The following UGT2B11 variants were observed in gnomAD, a reference collection of about 807,000 sequenced individuals.
UGT2B11 encodes UDP-glucuronosyltransferase 2B11.
A neutral mutation model predicts 51.7 loss-of-function variants in UGT2B11; 49 were observed. The ratio of observed to expected loss-of-function variants is 0.95; its 90% CI spans 0.75 to 1.20. UGT2B11 has a LOEUF of 1.20. UGT2B11 is among the 50% of genes most tolerant of loss of function. UGT2B11 has a pLI of 0.00. For synonymous variants in UGT2B11, 273 were observed against 209.0 expected (o/e 1.31, Z -2.64); for missense variants, 810 against 622.1 (o/e 1.30, Z -3.21).
In UGT2B11 at chr4:69,200,477, TTC is replaced by T; in HGVS notation, c.1551_1552del (p.Trp517Ter). On this transcript the variant is annotated stop_gained and frameshift_variant, in exon 6 of 6. Transcript: ENST00000446444. LOFTEE classifies it high-confidence loss of function. ...TCCCTTCTTCCCTTTTCTAGCAAAC[TTC>T]CAGAAACAAAACAGACAAAACTTTG... 1.9e-6 allele frequency: 3 copies of T among 1,611,900 alleles called. No homozygotes were observed. The highest frequency in any genetic ancestry group is 1.7e-4 in the Middle Eastern group (1 of 6,040).
Position 69,213,985 on chromosome 4 carries a change from A to T in UGT2B11, c.721+17T>A, listed in dbSNP as rs538340478. 2 of 1,543,962 alleles carry T rather than the reference A, an allele frequency of 1.3e-6. No individual in the cohort carries two copies. The highest frequency in any genetic ancestry group is 4.1e-5 in the Admixed American group (2 of 48,652). On this transcript the variant is annotated intron_variant, in intron 1 of 5. Coordinates refer to ENST00000446444, the MANE Select transcript of UGT2B11 (RefSeq NM_001073.3). ...AATAAGTTAGATCTTCACGTTACCG[A>T]TTAAACAAATTCTTACCTAAAACTT...
chr4:69,218,316 G>T (rs1268722551), upstream of UGT2B11, among the ~76,000 whole-genome samples: 11 of 151,966 alleles, frequency 7.2e-5, no homozygotes, highest in East Asian at 3.9e-4. Flanking sequence ...CCAGTTGTAA[G>T]GAGAATCCTA....
At position 69,214,285 on chromosome 4, in the gene UGT2B11, G is replaced by A; in HGVS notation, c.438C>T (p.Asp146=). The A allele has an allele frequency of 6.2e-7, 1 of 1,613,236 alleles. No homozygotes were observed. The highest frequency in any genetic ancestry group is 8.5e-7 in the Non-Finnish European group (1 of 1,179,502). ...VMKKLQESRF[D]IVFADAVFPC... is the part of the protein sequence containing the mutation. ...GAAAAACAGCATCTGCAAAAACGAT[G>A]TCAAATCTTGACTCTTGTAGTTTTT... The change falls in exon 1 of 6, where the codon GAC becomes GAT. Residue 146 remains aspartate, a synonymous_variant. Coordinates refer to ENST00000446444, the MANE Select transcript of UGT2B11 (RefSeq NM_001073.3).
chr4:69,203,668 A>G (rs1721744665), intron 5 of UGT2B11, among the ~76,000 whole-genome samples: 1 of 151,798 alleles, frequency 6.6e-6, no homozygotes, highest in Non-Finnish European at 1.5e-5. Context: ...ATGAAGTATT[A>G]TAACACACAA....
the UGT2B11 span, among the ~76,000 whole-genome samples, chr4:69,222,582 C>T: frequency 2.6e-5 from 4 of 152,184 alleles, no homozygotes; most frequent in East Asian, 5.8e-4. Context: ...GGCTAAAGTA[C>T]CATAGATCCC....
In UGT2B11 at chr4:69,200,604, G is replaced by A. The variant is rs150196832; in HGVS notation, c.1426C>T (p.Leu476Phe). 1,349 of 1,612,434 alleles carry A rather than the reference G, an allele frequency of 8.4e-4. 14 individuals are homozygous for A. The African/African-American group carries it at 0.016, about 19-fold the overall frequency. ...GTGAGGTCATGGGCTGCAACTCGAA[G>A]GTGTTTGGCTCCTTTGTGGGGCATG... ...FVMPHKGAKH[L>F]RVAAHDLTWF... Residue 476 changes from leucine to phenylalanine, a missense_variant, in exon 6 of 6, where the codon CTT (leucine) becomes TTT (phenylalanine). Coordinates refer to ENST00000446444, the MANE Select transcript of UGT2B11 (RefSeq NM_001073.3).
chr4:69,221,324 T>C, the UGT2B11 span, among the ~76,000 whole-genome samples: 1 of 152,178 alleles, frequency 6.6e-6, no homozygotes, highest in Non-Finnish European at 1.5e-5. Context: ...CTTGAGCTTT[T>C]AAATTTCTAA....
rs767681466 is a variant in UGT2B11, at chr4:69,214,735, C to A, written c.-13G>T. On this transcript the variant is annotated 5_prime_UTR_variant, in exon 1 of 6. Coordinates refer to ENST00000446444, the MANE Select transcript of UGT2B11 (RefSeq NM_001073.3). ...ATTTCAGAGTCATCCTGGTGCAATG[C>A]GATCATTCTTTTCCAGTCACTGTTT... is the stretch of plus-strand genomic sequence containing the variant. 3 of 1,607,070 alleles carry A rather than the reference C, an allele frequency of 1.9e-6. No homozygotes were observed. Among genetic ancestry groups the A allele is most frequent in the South Asian group, 1.1e-5 (1 of 90,404 alleles).
chr4:69,206,914 T>A (rs949571009), intron 3 of UGT2B11, among the ~76,000 whole-genome samples: 1 of 151,570 alleles, frequency 6.6e-6, no homozygotes, highest in African/African-American at 2.4e-5. Flanking sequence ...AGCAAGTCTA[T>A]AAAATAAGCT....
chr4:69,214,676 C>T lies in UGT2B11; in HGVS notation c.47G>A (p.Cys16Tyr), dbSNP rs377363597. 5.0e-6 allele frequency: 8 copies of T among 1,612,812 alleles called. No homozygotes were observed. The highest frequency in any genetic ancestry group is 6.8e-6 in the Non-Finnish European group (8 of 1,179,220). ...TCCACAACTCCCAGAGCTAAAGTAACAACTGAGATGTATCAGCAGAAGAAC... is the reference window on the plus strand; with the variant it reads ...TCCACAACTCCCAGAGCTAAAGTAATAACTGAGATGTATCAGCAGAAGAAC... ...TSVLLLIHLS[C>Y]YFSSGSCGKV... The change falls in exon 1 of 6, where the codon TGT becomes TAT. Residue 16 changes from cysteine to tyrosine, a missense_variant. Coordinates refer to ENST00000446444, the MANE Select transcript of UGT2B11 (RefSeq NM_001073.3).
At chr4:69,208,308 CT>C (rs1560538527) in intron 3 of UGT2B11, 42 bp downstream of exon 3, 1 of 1,605,258 alleles carries the variant, frequency 6.2e-7, no homozygotes, top group South Asian at 1.1e-5. Flanking sequence ...CATTAACAGC[CT>C]CTTTCAGCAG....
intron 2 of UGT2B11, among the ~76,000 whole-genome samples, chr4:69,212,207 C>T (rs754554704): frequency 2.0e-5 from 3 of 151,512 alleles, no homozygotes; most frequent in Non-Finnish European, 3.0e-5. Flanking sequence ...TATGTGGGGA[C>T]GGAAACTGTG....
upstream of UGT2B11, among the ~76,000 whole-genome samples, chr4:69,217,910 G>C (rs972960270): frequency 6.6e-6 from 1 of 152,104 alleles, no homozygotes; most frequent in Non-Finnish European, 1.5e-5. Context: ...TCTTAATGGG[G>C]AAAAGAGATG....
upstream of UGT2B11, among the ~76,000 whole-genome samples, chr4:69,218,419 T>C (rs558635381): frequency 2.0e-4 from 31 of 152,238 alleles, no homozygotes; most frequent in South Asian, 6.0e-3. Flanking sequence ...ATGGTAATCT[T>C]TTGAAAGGGA....
the UGT2B11 span, among the ~76,000 whole-genome samples, chr4:69,221,755 A>G: frequency 0.014 from 1,869 of 132,630 alleles, 34 homozygotes; most frequent in African/African-American, 0.044. Context: ...AGAAGGCCAC[A>G]CCAGTGTCCA....
At chr4:69,217,420 C>A (rs1381285769), upstream of UGT2B11, among the ~76,000 whole-genome samples, 1 of 152,040 alleles carries the variant, frequency 6.6e-6, no homozygotes, top group African/African-American at 2.4e-5. Flanking sequence ...TGCAGAGTGG[C>A]AATATTGTTC....
At chr4:69,209,997 T>C (rs1373782354) in intron 2 of UGT2B11, among the ~76,000 whole-genome samples, 1 of 151,638 alleles carries the variant, frequency 6.6e-6, no homozygotes, top group Non-Finnish European at 1.5e-5. Flanking sequence ...AATATGTATT[T>C]TTTATTATGG....
upstream of UGT2B11, among the ~76,000 whole-genome samples, chr4:69,218,146 G>T (rs549959287): frequency 1.3e-5 from 2 of 151,974 alleles, no homozygotes; most frequent in Non-Finnish European, 2.9e-5. Context: ...TTTTTCACAG[G>T]TGTTATTTTC....
At chr4:69,220,168 G>A in the UGT2B11 span, among the ~76,000 whole-genome samples, 2 of 152,116 alleles carry the variant, frequency 1.3e-5, no homozygotes, top group Admixed American at 6.6e-5. Flanking sequence ...AAATCCAGGG[G>A]ACAGTCATTG....
Sources: allele counts gnomAD v4.1 joint callset (sites outside exome capture counted in the v4.1 genomes callset), GRCh38; gene constraint gnomAD v4.1.1; transcripts MANE v1.5; gene names NCBI Gene and HGNC (gene_info 2026-07-23, HGNC 2026-07-21).